Variants in GALNT13 observed in about 807,000 individuals in gnomAD.
GALNT13 encodes the protein polypeptide N-acetylgalactosaminyltransferase 13.
In GALNT13, 28 loss-of-function variants were observed where a neutral mutation model predicts 64.2. The observed-to-expected ratio is 0.44, with a 90% CI of 0.32 to 0.60. The LOEUF (loss-of-function observed/expected upper bound fraction) is 0.60. Among genes scored for constraint, GALNT13 ranks in the 20% least tolerant of loss-of-function variants. The pLI is 0.05. For missense variants in GALNT13, 577 were observed against 669.8 expected (o/e 0.86, Z 1.53); for synonymous variants, 214 against 224.6 (o/e 0.95, Z 0.42).
the GALNT13 span, among the ~76,000 whole-genome samples, chr2:153,558,511 A>G: frequency 3.3e-5 from 5 of 152,194 alleles, no homozygotes; most frequent in African/African-American, 9.6e-5. Flanking sequence ...AGTGTGGTTT[A>G]TAACAGTGGT....
chr2:154,165,842 G>A (rs1252122476), intron 4 of GALNT13, among the ~76,000 whole-genome samples: 1 of 152,188 alleles, frequency 6.6e-6, no homozygotes, highest in Non-Finnish European at 1.5e-5. Context: ...GCTGAACTCA[G>A]TAGAAAGGAT....
chr2:154,270,205 CTA>C (rs1691279912), intron 8 of GALNT13, among the ~76,000 whole-genome samples: 1 of 151,552 alleles, frequency 6.6e-6, no homozygotes, highest in Non-Finnish European at 1.5e-5. Context: ...CTACATTCCT[CTA>C]TTAATATTTT....
At chr2:153,990,326 A>G (rs955154485) in intron 3 of GALNT13, among the ~76,000 whole-genome samples, 2 of 152,094 alleles carry the variant, frequency 1.3e-5, no homozygotes, top group Non-Finnish European at 2.9e-5. Flanking sequence ...CAGAGAAGAT[A>G]TATTTGCCAA....
At chr2:153,276,576 T>C in the GALNT13 span, among the ~76,000 whole-genome samples, 21 of 152,094 alleles carry the variant, frequency 1.4e-4, no homozygotes, top group African/African-American at 5.1e-4. Flanking sequence ...ATAAACACAA[T>C]ATTTTATCAT....
intron 3 of GALNT13, among the ~76,000 whole-genome samples, chr2:153,985,303 C>T (rs1329929967): frequency 6.6e-6 from 1 of 151,960 alleles, no homozygotes; most frequent in Non-Finnish European, 1.5e-5. Context: ...TGTAAATGTC[C>T]ATTTCTCCTG....
At chr2:153,297,910 A>G in the GALNT13 span, among the ~76,000 whole-genome samples, 1 of 152,180 alleles carries the variant, frequency 6.6e-6, no homozygotes, top group Non-Finnish European at 1.5e-5. Context: ...TGGGTGATTC[A>G]ACAAATCCAA....
chr2:154,229,139 A>G (rs1022914571), intron 4 of GALNT13, among the ~76,000 whole-genome samples: 9 of 152,030 alleles, frequency 5.9e-5, no homozygotes, highest in African/African-American at 2.2e-4. Flanking sequence ...AAAAAAGAAA[A>G]AAAAATGCTT....
the GALNT13 span, among the ~76,000 whole-genome samples, chr2:153,211,857 C>T: frequency 2.0e-5 from 3 of 152,178 alleles, no homozygotes; most frequent in African/African-American, 7.2e-5. Context: ...CTGGTTCTCT[C>T]TTCTGAGTTA....
chr2:153,830,643 C>A, the GALNT13 span, among the ~76,000 whole-genome samples: 1 of 152,058 alleles, frequency 6.6e-6, no homozygotes, highest in Non-Finnish European at 1.5e-5. Flanking sequence ...TTGCTCCAAT[C>A]TTTTGCTCAT....
chr2:154,005,323 A>T (rs1261460118), intron 3 of GALNT13, among the ~76,000 whole-genome samples: 3 of 152,108 alleles, frequency 2.0e-5, no homozygotes, highest in East Asian at 1.9e-4. Flanking sequence ...TATATTTTTT[A>T]TTTGTTGCGA....
intron 3 of GALNT13, among the ~76,000 whole-genome samples, chr2:154,120,762 T>C (rs1293237847): frequency 6.6e-6 from 1 of 152,200 alleles, no homozygotes; most frequent in Non-Finnish European, 1.5e-5. Context: ...CTTCCCACCA[T>C]ATTTTTGAAG....
At chr2:153,073,435 C>A in the GALNT13 span, among the ~76,000 whole-genome samples, 1 of 151,764 alleles carries the variant, frequency 6.6e-6, no homozygotes, top group Non-Finnish European at 1.5e-5. Context: ...AATAAAAAAT[C>A]GGTGAACAGT....
At chr2:153,082,650 CACACACACACACACAT>C in the GALNT13 span, among the ~76,000 whole-genome samples, 1 of 94,356 alleles carries the variant, frequency 1.1e-5, no homozygotes, top group African/African-American at 4.1e-5. Context: ...CACACACACA[CACACACACACACACAT>C]ATATATAATT....
At chr2:154,449,539 C>T (rs1447173081) in intron 12 of GALNT13, among the ~76,000 whole-genome samples, 1 of 148,810 alleles carries the variant, frequency 6.7e-6, no homozygotes, top group African/African-American at 2.5e-5. Flanking sequence ...ATCTCTCATA[C>T]ATTCAAATAC....
the GALNT13 span, among the ~76,000 whole-genome samples, chr2:153,563,925 C>T: frequency 6.6e-5 from 10 of 152,152 alleles, no homozygotes; most frequent in Admixed American, 6.5e-5. Flanking sequence ...TATCCTTATT[C>T]GATTTTCACA....
intron 9 of GALNT13, among the ~76,000 whole-genome samples, chr2:154,353,519 A>G (rs529986032): frequency 6.6e-6 from 1 of 152,208 alleles, no homozygotes; most frequent in Admixed American, 6.5e-5. Flanking sequence ...ACATCTCTAG[A>G]CTTGTTCATC....
At chr2:153,681,337 A>C in the GALNT13 span, among the ~76,000 whole-genome samples, 1 of 151,834 alleles carries the variant, frequency 6.6e-6, no homozygotes, top group Non-Finnish European at 1.5e-5. Context: ...AATCTCAAAG[A>C]TATCTGGGAA....
intron 3 of GALNT13, among the ~76,000 whole-genome samples, chr2:154,089,415 C>T (rs1276224650): frequency 6.6e-6 from 1 of 152,044 alleles, no homozygotes; most frequent in Non-Finnish European, 1.5e-5. Context: ...GGGGCCCGCC[C>T]ATTCGTTTTC....
intron 8 of GALNT13, among the ~76,000 whole-genome samples, chr2:154,300,364 A>G (rs112318186): frequency 1.3e-5 from 2 of 152,100 alleles, no homozygotes; most frequent in African/African-American, 4.8e-5. Flanking sequence ...CGGCCTCCCA[A>G]AGTGGTGGGA....
Sources: gnomAD v4.1 joint callset for allele counts (sites outside exome capture counted in the v4.1 genomes callset) on GRCh38, gnomAD v4.1.1 for gene constraint, MANE v1.5 for transcripts, NCBI Gene and HGNC (gene_info 2026-07-23, HGNC 2026-07-21) for gene names.